The following ZNF438 variants were observed in gnomAD, a reference collection of about 807,000 sequenced individuals.
ZNF438 encodes the protein zinc finger protein 438.
Under a neutral mutation model 38.0 loss-of-function variants are expected in ZNF438, and 25 were observed. The observed-to-expected ratio is 0.66, with a 90% confidence interval of 0.48 to 0.92. The LOEUF (loss-of-function observed/expected upper bound fraction) is 0.92, where lower values mean the gene tolerates loss of function less well. Ranked by LOEUF, ZNF438 falls within the 40% of genes least tolerant of loss-of-function variation. The probability of loss-of-function intolerance (pLI) is 0.00; values close to 1 mark genes in which losing one functional copy is unlikely to be tolerated. For synonymous variants in ZNF438, 372 were observed against 364.1 expected, an observed-to-expected ratio of 1.02 and a Z score of -0.25; for missense variants, 1,007 against 999.6, an observed-to-expected ratio of 1.01 and a Z score of -0.10.
chr10:30,925,960 A>C (rs1032277156), intron 2 of ZNF438, among the ~76,000 whole-genome samples: 3 of 152,232 alleles, frequency 2.0e-5, no homozygotes, highest in Admixed American at 6.5e-5. Flanking sequence ...CATTAAAAAA[A>C]CTAAAACATA....
chr10:30,890,901 T>C (rs935035901), intron 3 of ZNF438, among the ~76,000 whole-genome samples: 6 of 152,192 alleles, frequency 3.9e-5, no homozygotes, highest in Non-Finnish European at 7.4e-5. Context: ...AAGATTTACT[T>C]TCTCTCTCAT....
At chr10:30,964,572 G>A (rs1401692967) in intron 1 of ZNF438, among the ~76,000 whole-genome samples, 1 of 152,196 alleles carries the variant, frequency 6.6e-6, no homozygotes, top group African/African-American at 2.4e-5. Flanking sequence ...ACGGACATTA[G>A]TATTTTCCTG....
At chr10:30,858,739 T>G (rs991400349) in intron 4 of ZNF438, among the ~76,000 whole-genome samples, 1 of 152,168 alleles carries the variant, frequency 6.6e-6, no homozygotes, top group Non-Finnish European at 1.5e-5. Context: ...AGATCTTGTA[T>G]CCTGAATCTA....
chr10:30,962,268 A>C (rs774426109), intron 1 of ZNF438, among the ~76,000 whole-genome samples: 3 of 147,182 alleles, frequency 2.0e-5, no homozygotes, highest in Non-Finnish European at 3.1e-5. Context: ...ACTTGACATC[A>C]GAATAACTAG....
intron 1 of ZNF438, among the ~76,000 whole-genome samples, chr10:30,978,515 G>A (rs913378515): frequency 5.9e-5 from 9 of 151,982 alleles, no homozygotes; most frequent in African/African-American, 2.2e-4. Context: ...ACTTTTCAGT[G>A]GGTTTGGACA....
rs376714078 is a variant in ZNF438 at position 30,848,720 on chromosome 10, C to T, written c.1685G>A (p.Arg562His). Residue 562 changes from arginine to histidine, a missense_variant, in exon 5 of 6, where the codon CGT becomes CAT. Arg to His is a conservative substitution (Grantham distance 29). Coordinates refer to ENST00000413025, the Ensembl canonical transcript of ZNF438. ...CTCACAACACATGAGTTTCTTCAGA[C>T]GGTTCTCACCATGATGAAGTTTCAT... is the stretch of plus-strand genomic sequence containing the variant. The T allele has an allele frequency of 7.7e-5, 124 of 1,614,092 alleles. No homozygotes were observed. In the South Asian group the frequency reaches 1.2e-3, roughly 16 times the overall value.
rs1300102133 is a variant in ZNF438 at position 30,855,447 on chromosome 10, A to G, written c.38-5080T>C. On this transcript the variant is annotated intron_variant, in intron 4 of 5. Coordinates refer to ENST00000413025, the Ensembl canonical transcript of ZNF438. ...GGGGTGAAAAGATAAGGTCTTGTTG[A>G]GTACATTTAACATACTTATGCTTGT... Among the ~76,000 whole-genome samples, 6 of 152,350 alleles carry G rather than the reference A, an allele frequency of 3.9e-5. No individual in the cohort carries two copies. In the South Asian group the frequency reaches 1.2e-3, roughly 32 times the overall value.
chr10:30,894,289 G>C (rs2041060600), intron 3 of ZNF438, among the ~76,000 whole-genome samples: 1 of 152,184 alleles, frequency 6.6e-6, no homozygotes, highest in Non-Finnish European at 1.5e-5. Flanking sequence ...GAATCAAACT[G>C]CTTCGGGTGT....
chr10:30,926,264 C>T (rs2044904932), intron 2 of ZNF438, among the ~76,000 whole-genome samples: 1 of 152,190 alleles, frequency 6.6e-6, no homozygotes, highest in African/African-American at 2.4e-5. Flanking sequence ...TGTGAGTTTA[C>T]TGTATGTAAG....
chr10:30,996,696 G>C (rs1445571017), intron 1 of ZNF438, among the ~76,000 whole-genome samples: 3 of 151,716 alleles, frequency 2.0e-5, no homozygotes, highest in Admixed American at 2.0e-4. Flanking sequence ...AACACTGTAA[G>C]ACAGCCAGAC....
At chr10:31,012,725 T>C (rs1341098382) in intron 1 of ZNF438, among the ~76,000 whole-genome samples, 1 of 152,180 alleles carries the variant, frequency 6.6e-6, no homozygotes, top group Non-Finnish European at 1.5e-5. Context: ...TCACTCTCTA[T>C]CTTTCCTAAT....
chr10:30,993,871 C>T lies in ZNF438; in HGVS notation c.-192+37962G>A, dbSNP rs757489853. ...GGCCTTGGAGGCCCAACCCTGCACCCGTGTGCCCATGATGCAGGACATGGA... is the reference window on the plus strand; with the variant it reads ...GGCCTTGGAGGCCCAACCCTGCACCTGTGTGCCCATGATGCAGGACATGGA... On this transcript the variant is annotated intron_variant, in intron 1 of 5. Transcript: ENST00000413025. Among the ~76,000 whole-genome samples, 99 of 152,242 alleles carry T rather than the reference C, an allele frequency of 6.5e-4. 1 individual carries two copies. The highest frequency in any genetic ancestry group is 1.2e-3 in the Non-Finnish European group (84 of 68,042).
chr10:30,857,522 T>C (rs57818260), intron 4 of ZNF438, among the ~76,000 whole-genome samples: 1,838 of 152,324 alleles, frequency 0.012, 45 homozygotes, highest in African/African-American at 0.042. Flanking sequence ...CCCAAAGTGT[T>C]GGGATTACAG....
chr10:31,015,505 G>T (rs929137199), intron 1 of ZNF438, among the ~76,000 whole-genome samples: 1 of 152,064 alleles, frequency 6.6e-6, no homozygotes, highest in Non-Finnish European at 1.5e-5. Context: ...TTAGCCGGAC[G>T]TAGTGGTGTA....
At chr10:30,945,328 T>G (rs536781144) in intron 1 of ZNF438, among the ~76,000 whole-genome samples, 18 of 151,860 alleles carry the variant, frequency 1.2e-4, no homozygotes, top group African/African-American at 4.1e-4. Context: ...GCTAGTAATA[T>G]AGCTCCCTCC....
Position 30,847,910 on chromosome 10 carries a change from G to A in ZNF438, c.1874+621C>T, listed in dbSNP as rs114255634. Among the ~76,000 whole-genome samples the A allele has an allele frequency of 3.8e-3, 575 of 152,308 alleles. 7 individuals are homozygous for A. Among genetic ancestry groups the A allele is most frequent in the African/African-American group, 0.013 (552 of 41,570 alleles). The stretch of plus-strand genomic sequence containing the variant: ...CCTTGGCAGGCATGGGATCTAGGCC[G>A]GTAGCATGAGCTGAGTGCAGCCTGC... On this transcript the variant is annotated intron_variant, in intron 5 of 5. Coordinates refer to ENST00000413025, the Ensembl canonical transcript of ZNF438.
intron 1 of ZNF438, among the ~76,000 whole-genome samples, chr10:30,965,062 C>T (rs907869794): frequency 6.6e-6 from 1 of 152,118 alleles, no homozygotes; most frequent in Non-Finnish European, 1.5e-5. Flanking sequence ...GGTCTAATAT[C>T]CAGAATCCAT....
intron 2 of ZNF438, among the ~76,000 whole-genome samples, chr10:30,911,141 T>G (rs1000506647): frequency 6.6e-6 from 1 of 152,110 alleles, no homozygotes; most frequent in Non-Finnish European, 1.5e-5. Flanking sequence ...GAACATCTAT[T>G]TAGTAAGGTT....
chr10:31,024,384 C>T (rs1160940167), intron 1 of ZNF438, among the ~76,000 whole-genome samples: 5 of 152,036 alleles, frequency 3.3e-5, no homozygotes, highest in Admixed American at 6.6e-5. Context: ...CCTAGCACTT[C>T]GGGAGGTGAA....
Sources: gnomAD v4.1 joint callset for allele counts (sites outside exome capture counted in the v4.1 genomes callset) on GRCh38, gnomAD v4.1.1 for gene constraint, MANE v1.5 for transcripts, NCBI Gene and HGNC (gene_info 2026-07-23, HGNC 2026-07-21) for gene names.